NAV3: variants seen among roughly 807,000 people sequenced by gnomAD.
NAV3 encodes pore membrane and/or filament interacting like protein 1.
A neutral mutation model predicts 244.7 loss-of-function variants in NAV3; 87 were observed. That is an observed-to-expected ratio of 0.36 (90% CI 0.30 to 0.42). The LOEUF (loss-of-function observed/expected upper bound fraction) is 0.42, where lower values mean the gene tolerates loss of function less well. Among genes scored for constraint, NAV3 ranks in the 20% least tolerant of loss-of-function variants. The pLI, the probability that NAV3 is intolerant of heterozygous loss-of-function variation, is 1.00. For synonymous variants in NAV3, 1,126 were observed against 1,042.2 expected, an observed-to-expected ratio of 1.08 and a Z score of -1.55; for missense variants, 2,663 against 2,893.3, an observed-to-expected ratio of 0.92 and a Z score of 1.83.
intron 34 of NAV3, among the ~76,000 whole-genome samples, chr12:78,194,372 A>G (rs1959110367): frequency 6.6e-6 from 1 of 151,862 alleles, no homozygotes; most frequent in Non-Finnish European, 1.5e-5. Flanking sequence ...TTTCCTTTAA[A>G]TTTCCCTTCT....
chr12:78,044,265 G>A (rs1178697803), intron 9 of NAV3, among the ~76,000 whole-genome samples: 1 of 151,950 alleles, frequency 6.6e-6, no homozygotes, highest in Non-Finnish European at 1.5e-5. Flanking sequence ...ATTTCTGAGG[G>A]CTCTGTTCTG....
At chr12:78,082,134 G>A (rs756147735) in intron 12 of NAV3, among the ~76,000 whole-genome samples, 7 of 152,134 alleles carry the variant, frequency 4.6e-5, no homozygotes, top group Non-Finnish European at 1.0e-4. Flanking sequence ...GCCCTCTTGC[G>A]TGCCACCATG....
Position 78,108,932 on chromosome 12 carries a change from C to T in NAV3, c.2637-7840C>T, listed in dbSNP as rs140283455. Among the ~76,000 whole-genome samples the T allele has an allele frequency of 1.6e-3, 241 of 152,002 alleles. 4 individuals carry two copies. The East Asian group carries it at 0.026, about 16-fold the overall frequency. On this transcript the variant is annotated intron_variant, in intron 12 of 39. Transcript: ENST00000397909. ...ATCAAGAACAAATCAAACCCAAAAT[C>T]AGCAGAAGAAACACAATAATAAAGA...
chr12:78,160,756 T>A (rs1957509297), intron 23 of NAV3, among the ~76,000 whole-genome samples: 1 of 152,090 alleles, frequency 6.6e-6, no homozygotes, highest in Non-Finnish European at 1.5e-5. Flanking sequence ...CCGTATACCC[T>A]GCCCGTGAGA....
intron 2 of NAV3, among the ~76,000 whole-genome samples, chr12:77,608,523 G>C (rs1200510475): frequency 6.6e-6 from 1 of 152,110 alleles, no homozygotes; most frequent in African/African-American, 2.4e-5. Context: ...GCCATAACAA[G>C]ATGCTAATAA....
intron 38 of NAV3, among the ~76,000 whole-genome samples, chr12:78,203,432 A>T (rs1408251699): frequency 6.6e-6 from 1 of 152,136 alleles, no homozygotes; most frequent in Non-Finnish European, 1.5e-5. Flanking sequence ...TTTTGCTCTA[A>T]AACAAGATAA....
At chr12:77,645,551 A>C (rs1202023139) in intron 2 of NAV3, among the ~76,000 whole-genome samples, 1 of 151,456 alleles carries the variant, frequency 6.6e-6, no homozygotes, top group Non-Finnish European at 1.5e-5. Context: ...AAAAAAAAAA[A>C]AAAAAAAAAC....
chr12:78,174,444 G>C (rs1037612404), intron 24 of NAV3, among the ~76,000 whole-genome samples: 11 of 151,750 alleles, frequency 7.2e-5, no homozygotes, highest in Non-Finnish European at 1.6e-4. Flanking sequence ...GCCTAAGGCT[G>C]AGACTGGCTC....
At chr12:78,114,139 C>A (rs1217469182) in intron 12 of NAV3, among the ~76,000 whole-genome samples, 1 of 152,204 alleles carries the variant, frequency 6.6e-6, no homozygotes, top group Non-Finnish European at 1.5e-5. Flanking sequence ...TCTGAGACCA[C>A]CTTAGCCTGG....
At chr12:77,886,271 C>T (rs2136677848) in intron 1 of NAV3, among the ~76,000 whole-genome samples, 1 of 152,284 alleles carries the variant, frequency 6.6e-6, no homozygotes, top group East Asian at 1.9e-4. Flanking sequence ...TAGTAACATT[C>T]AAGGGCTTCT....
intron 1 of NAV3, among the ~76,000 whole-genome samples, chr12:77,895,223 A>G (rs1592925159): frequency 6.6e-6 from 1 of 152,144 alleles, no homozygotes; most frequent in South Asian, 2.1e-4. Flanking sequence ...GAATAGAGTA[A>G]TCAACAAAGG....
rs1876800991 is a variant in NAV3 at position 77,724,768 on chromosome 12, A to T, written c.72+152502A>T. On this transcript the variant is annotated intron_variant, in intron 2 of 8. Transcript: ENST00000550042. ...TAGAGAAGTCTTTAGAAATAGCATT[A>T]TATGAAATATTTGAGAACATAATAT... Among the ~76,000 whole-genome samples, 3 of 152,012 alleles carry T rather than the reference A, an allele frequency of 2.0e-5. No individual in the cohort carries two copies. In the South Asian group the frequency reaches 6.2e-4, roughly 31 times the overall value.
intron 2 of NAV3, among the ~76,000 whole-genome samples, chr12:77,705,830 T>C (rs1875772933): frequency 6.6e-6 from 1 of 151,544 alleles, no homozygotes; most frequent in Admixed American, 6.6e-5. Flanking sequence ...GAAAAGTTAT[T>C]ATGGCTGGAT....
chr12:78,069,132 G>T (rs938240424), intron 12 of NAV3, among the ~76,000 whole-genome samples: 1 of 151,786 alleles, frequency 6.6e-6, no homozygotes, highest in Admixed American at 6.6e-5. Context: ...AGGCATATGG[G>T]TTCCATTTAT....
intron 31 of NAV3, among the ~76,000 whole-genome samples, chr12:78,187,664 T>A (rs908354325): frequency 1.9e-4 from 29 of 152,022 alleles, no homozygotes; most frequent in African/African-American, 7.0e-4. Flanking sequence ...AAATAGAGAA[T>A]TTCTGATAAA....
At chr12:77,867,699 C>T (rs1437211802) in intron 1 of NAV3, among the ~76,000 whole-genome samples, 1 of 152,128 alleles carries the variant, frequency 6.6e-6, no homozygotes, top group Non-Finnish European at 1.5e-5. Flanking sequence ...GGATTACAGG[C>T]GTGAACCACC....
intron 2 of NAV3, among the ~76,000 whole-genome samples, chr12:77,666,273 A>G (rs1189060562): frequency 1.3e-5 from 2 of 150,902 alleles, no homozygotes; most frequent in East Asian, 2.0e-4. Context: ...TTGGCCAAAC[A>G]GTAGATCTTG....
intron 9 of NAV3, among the ~76,000 whole-genome samples, chr12:78,039,492 A>C (rs1880486499): frequency 1.3e-5 from 2 of 152,226 alleles, no homozygotes; most frequent in South Asian, 2.1e-4. Context: ...ATTTTCATCC[A>C]AATCACTACT....
intron 5 of NAV3, among the ~76,000 whole-genome samples, chr12:77,970,134 A>G (rs372558326): frequency 2.6e-5 from 4 of 152,154 alleles, no homozygotes; most frequent in African/African-American, 9.7e-5. Flanking sequence ...TATTACATAA[A>G]TAGTTATGAT....
Sources: allele counts gnomAD v4.1 joint callset (sites outside exome capture counted in the v4.1 genomes callset), GRCh38; gene constraint gnomAD v4.1.1; transcripts MANE v1.5; gene names NCBI Gene and HGNC (gene_info 2026-07-23, HGNC 2026-07-21).